Variants in CDIN1 observed in about 807,000 individuals in gnomAD.
CDIN1 encodes the protein CDAN1-interacting nuclease 1.
A neutral mutation model predicts 45.3 loss-of-function variants in CDIN1; 33 were observed. The ratio of observed to expected loss-of-function variants is 0.73; its 90% CI spans 0.55 to 0.97. The LOEUF (loss-of-function observed/expected upper bound fraction) is 0.97, where lower values mean the gene tolerates loss of function less well. Ranked by LOEUF, CDIN1 falls within the 50% of genes least tolerant of loss-of-function variation. CDIN1 has a pLI of 0.00. For missense variants in CDIN1, 303 were observed against 339.4 expected (o/e 0.89, Z 0.84); for synonymous variants, 118 against 124.4 (o/e 0.95, Z 0.34).
intron 5 of CDIN1, among the ~76,000 whole-genome samples, chr15:36,672,681 G>C (rs896316218): frequency 5.3e-5 from 8 of 151,882 alleles, no homozygotes; most frequent in African/African-American, 1.7e-4. Flanking sequence ...TTGTAAAATA[G>C]TTTAGTAGCA....
At chr15:36,598,052 G>A (rs1237921927) in intron 1 of CDIN1, among the ~76,000 whole-genome samples, 1 of 152,178 alleles carries the variant, frequency 6.6e-6, no homozygotes, top group Non-Finnish European at 1.5e-5. Context: ...ATGCAGTGGT[G>A]CAATGTCAGC....
chr15:36,723,015 A>G (rs2043489464), intron 10 of CDIN1, among the ~76,000 whole-genome samples: 1 of 148,732 alleles, frequency 6.7e-6, no homozygotes, highest in African/African-American at 2.5e-5. Flanking sequence ...CTTCCAATCT[A>G]CTCTTAAGAT....
chr15:36,720,562 A>C (rs2043378072), intron 10 of CDIN1, among the ~76,000 whole-genome samples: 1 of 152,040 alleles, frequency 6.6e-6, no homozygotes, highest in Non-Finnish European at 1.5e-5. Context: ...TTTGCTGAGA[A>C]TGATGGTTGC....
chr15:36,626,980 C>T (rs2039457537), intron 1 of CDIN1: 2 of 175,472 alleles, frequency 1.1e-5, no homozygotes, highest in South Asian at 1.3e-4. Flanking sequence ...GGATCTTAGA[C>T]AGGGAGATGC....
At chr15:36,636,647 T>G (rs2039910998) in intron 1 of CDIN1, among the ~76,000 whole-genome samples, 1 of 152,142 alleles carries the variant, frequency 6.6e-6, no homozygotes. Flanking sequence ...TGTGGGTAAA[T>G]CTGAGTAAGC....
chr15:36,633,850 C>T lies in CDIN1; in HGVS notation c.102-10428C>T, dbSNP rs139754706. ...TTAGCTAACAGCAACCTCTGTCTCC[C>T]GGGTTCAAGCAATTCTGCCATCTCA... is the stretch of plus-strand genomic sequence containing the variant. On this transcript the variant is annotated intron_variant, in intron 1 of 10. Coordinates refer to ENST00000566621, the MANE Select transcript of CDIN1 (RefSeq NM_001321759.2). 7.8e-4 allele frequency among the ~76,000 whole-genome samples: 118 copies of T among 151,658 alleles called. 1 individual carries two copies. The highest frequency in any genetic ancestry group is 2.6e-3 in the African/African-American group (106 of 41,322).
At chr15:36,583,165 G>C (rs2037126264) in intron 1 of CDIN1, among the ~76,000 whole-genome samples, 1 of 150,802 alleles carries the variant, frequency 6.6e-6, no homozygotes, top group Admixed American at 6.6e-5. Context: ...TGACATTTTT[G>C]CCTTTATACT....
intron 10 of CDIN1, among the ~76,000 whole-genome samples, chr15:36,763,417 T>C (rs917651594): frequency 4.6e-5 from 7 of 152,186 alleles, no homozygotes; most frequent in African/African-American, 7.2e-5. Flanking sequence ...TTACATCCAG[T>C]TGGCTTCATA....
intron 10 of CDIN1, among the ~76,000 whole-genome samples, chr15:36,774,426 C>T (rs912183766): frequency 2.0e-5 from 3 of 151,736 alleles, no homozygotes; most frequent in African/African-American, 4.8e-5. Flanking sequence ...TAATTCAAAA[C>T]GTTCATTTTC....
intron 1 of CDIN1, among the ~76,000 whole-genome samples, chr15:36,597,759 T>A (rs1425143846): frequency 6.6e-6 from 1 of 152,142 alleles, no homozygotes; most frequent in Admixed American, 6.5e-5. Flanking sequence ...GGCTTTGTGG[T>A]TTCTTTGCTC....
chr15:36,622,082 C>A (rs2039222404), intron 1 of CDIN1, among the ~76,000 whole-genome samples: 1 of 152,186 alleles, frequency 6.6e-6, no homozygotes, highest in East Asian at 1.9e-4. Flanking sequence ...GTGTGGAAAA[C>A]TTGAAGAGAA....
chr15:36,716,379 C>G (rs1481009226), intron 10 of CDIN1, among the ~76,000 whole-genome samples: 2 of 152,012 alleles, frequency 1.3e-5, no homozygotes, highest in Non-Finnish European at 2.9e-5. Context: ...TTATGATCAT[C>G]CAGAGAGGGT....
intron 3 of CDIN1, among the ~76,000 whole-genome samples, chr15:36,649,088 T>C (rs1424358166): frequency 1.3e-5 from 2 of 152,216 alleles, no homozygotes; most frequent in Non-Finnish European, 2.9e-5. Flanking sequence ...ATTTAAATTT[T>C]CAGATATGTA....
At chr15:36,655,720 T>C (rs1275855284) in intron 4 of CDIN1, among the ~76,000 whole-genome samples, 1 of 152,218 alleles carries the variant, frequency 6.6e-6, no homozygotes, top group African/African-American at 2.4e-5. Context: ...AATTTAGTGA[T>C]TGTCTTTTAT....
chr15:36,688,003 AGCTAAAG>A (rs1464391693), intron 5 of CDIN1, among the ~76,000 whole-genome samples: 1 of 152,196 alleles, frequency 6.6e-6, no homozygotes. Flanking sequence ...TGTGGCATGT[AGCTAAAG>A]CAAAATTTAG....
At chr15:36,741,179 G>A (rs1425243162) in intron 10 of CDIN1, among the ~76,000 whole-genome samples, 4 of 152,106 alleles carry the variant, frequency 2.6e-5, no homozygotes, top group Non-Finnish European at 2.9e-5. Flanking sequence ...TAGTTTCAGG[G>A]CACTGAAGCA....
At chr15:36,712,260 C>CTTTTTTTTTTTT (rs780494427) in intron 10 of CDIN1, among the ~76,000 whole-genome samples, 1 of 77,372 alleles carries the variant, frequency 1.3e-5, no homozygotes, top group Non-Finnish European at 2.3e-5. Context: ...TAGACTAATG[C>CTTTTTTTTTTTT]TTTTTTTTTT....
intron 10 of CDIN1, among the ~76,000 whole-genome samples, chr15:36,751,442 C>T (rs2053468570): frequency 6.6e-6 from 1 of 151,452 alleles, no homozygotes; most frequent in African/African-American, 2.4e-5. Flanking sequence ...GCCTATAATA[C>T]CAAAACTTTA....
intron 10 of CDIN1, among the ~76,000 whole-genome samples, chr15:36,796,890 A>G (rs2054818133): frequency 6.6e-6 from 1 of 152,248 alleles, no homozygotes; most frequent in East Asian, 1.9e-4. Context: ...TGAAGTTCAC[A>G]TATTTGCATT....
Sources: allele counts gnomAD v4.1 joint callset (sites outside exome capture counted in the v4.1 genomes callset), GRCh38; gene constraint gnomAD v4.1.1; transcripts MANE v1.5; gene names NCBI Gene and HGNC (gene_info 2026-07-23, HGNC 2026-07-21).